The following DNAH7 variants were observed in gnomAD, a reference collection of about 807,000 sequenced individuals.
The protein encoded by DNAH7 is axonemal beta dynein heavy chain 7.
A neutral mutation model predicts 444.6 loss-of-function variants in DNAH7; 397 were observed. That is an observed-to-expected ratio of 0.89 (90% confidence interval 0.82 to 0.97). The LOEUF is 0.97. Among genes scored for constraint, DNAH7 ranks in the 50% least tolerant of loss-of-function variants. The pLI, the probability that DNAH7 is intolerant of heterozygous loss-of-function variation, is 0.00. For missense variants in DNAH7, 4,902 were observed against 4,800.8 expected, an observed-to-expected ratio of 1.02 and a Z score of -0.62; for synonymous variants, 1,636 against 1,624.4, an observed-to-expected ratio of 1.01 and a Z score of -0.17.
chr2:195,906,051 T>C lies in DNAH7; in HGVS notation c.4335+608A>G, dbSNP rs558223356. On this transcript the variant is annotated intron_variant, in intron 27 of 64. Transcript: ENST00000312428. ...GTATTAATAGTTGGAATTATGCTTA[T>C]AAAGATGGGAACGTGCTCATGATAT... Among the ~76,000 whole-genome samples, 4 of 152,104 alleles carry C rather than the reference T, an allele frequency of 2.6e-5. No homozygotes were observed. The East Asian group carries it at 7.7e-4, about 29-fold the overall frequency.
intron 16 of DNAH7, 54 bp from the exon 17 acceptor site, chr2:195,970,148 CA>C (rs753863533): frequency 4.7e-5 from 71 of 1,512,178 alleles, no homozygotes; most frequent in Non-Finnish European, 5.8e-5. Context: ...CCCTTGCTGT[CA>C]AAAAATTTTA....
At chr2:195,948,220 A>T (rs1207908228) in intron 19 of DNAH7, among the ~76,000 whole-genome samples, 1 of 151,948 alleles carries the variant, frequency 6.6e-6, no homozygotes, top group Non-Finnish European at 1.5e-5. Flanking sequence ...GATTGCAAAA[A>T]TTTTCTCCCA....
intron 48 of DNAH7, among the ~76,000 whole-genome samples, chr2:195,828,552 T>G (rs1697897719): frequency 6.6e-6 from 1 of 150,812 alleles, no homozygotes; most frequent in African/African-American, 2.4e-5. Flanking sequence ...GACACTGTAC[T>G]CCAGCCTGGG....
Position 195,754,486 on chromosome 2 carries a change from A to C in DNAH7, c.11615T>G (p.Val3872Gly), listed in dbSNP as rs372535430. 1 of 1,614,068 alleles carries C rather than the reference A, an allele frequency of 6.2e-7. No homozygotes were observed. ...QQWYEVGPPP[V>G]FWLSGFFFTQ... ...GAAGAAGAAGCCAGAAAGCCAGAAG[A>C]CTGGAGGAGGACCAACCTCATACCA... The change falls in exon 63 of 65, where the codon GTC becomes GGC. Residue 3872 changes from valine (V) to glycine (G), a missense_variant. Coordinates refer to ENST00000312428, the MANE Select transcript of DNAH7 (RefSeq NM_018897.3).
At position 195,889,623 on chromosome 2, in the gene DNAH7, C is replaced by A. The variant is rs950520705; in HGVS notation, c.5047-642G>T. Among the ~76,000 whole-genome samples the A allele has an allele frequency of 7.9e-5, 12 of 152,224 alleles. No individual in the cohort carries two copies. In the Middle Eastern group the frequency reaches 0.014, roughly 174 times the overall value. On this transcript the variant is annotated intron_variant, in intron 31 of 64. Transcript: ENST00000312428. Reference sequence around the variant, plus strand: ...TGAGCCACTGCACCTGGCCCTTGATCAATGTTTCTGAATTCAAATATATTA... The same window carrying A: ...TGAGCCACTGCACCTGGCCCTTGATAAATGTTTCTGAATTCAAATATATTA...
intron 41 of DNAH7, among the ~76,000 whole-genome samples, chr2:195,863,466 C>T (rs546930866): frequency 8.5e-4 from 129 of 152,298 alleles, no homozygotes; most frequent in African/African-American, 2.4e-3. Context: ...CCCCACCCCT[C>T]GTTCCTACCC....
chr2:196,009,883 C>G (rs1289378475), intron 10 of DNAH7, among the ~76,000 whole-genome samples: 1 of 152,100 alleles, frequency 6.6e-6, no homozygotes, highest in Non-Finnish European at 1.5e-5. Context: ...ATAAAATGTA[C>G]AAATAGCCAA....
chr2:196,053,178 C>T (rs1697589454), intron 2 of DNAH7, among the ~76,000 whole-genome samples: 1 of 152,066 alleles, frequency 6.6e-6, no homozygotes, highest in Non-Finnish European at 1.5e-5. Context: ...ACCCTCTCTG[C>T]AGAGGTTATG....
In DNAH7 at chr2:195,972,460, T is replaced by A. The variant is rs778794295; in HGVS notation, c.1840A>T (p.Ile614Phe). 4.3e-6 allele frequency: 7 copies of A among 1,613,754 alleles called. No individual in the cohort carries two copies. In the South Asian group the frequency reaches 7.7e-5, roughly 18 times the overall value. The change falls in exon 16 of 65, where the codon ATT becomes TTT. Residue 614 changes from isoleucine to phenylalanine, a missense_variant. Ile to Phe is a conservative substitution (Grantham distance 21). Coordinates refer to ENST00000312428, the MANE Select transcript of DNAH7 (RefSeq NM_018897.3). The stretch of plus-strand genomic sequence containing the variant: ...ATATCAGTTACCTCCACTTTCTGAA[T>A]GTAAGCCTGAGGGAAAACAAAAATT... ...TAELMEMKAY[I>F]QKVEVTDMIE... is the part of the protein sequence containing the mutation.
intron 54 of DNAH7, among the ~76,000 whole-genome samples, chr2:195,804,032 G>A (rs1302512091): frequency 6.8e-6 from 1 of 147,156 alleles, no homozygotes; most frequent in African/African-American, 2.5e-5. Context: ...ACCACTGAGT[G>A]GGGCTGGTTT....
At position 195,787,522 on chromosome 2, in the gene DNAH7, G is replaced by T. The variant is rs141712593; in HGVS notation, c.10717-351C>A. 5.8e-3 allele frequency among the ~76,000 whole-genome samples: 883 copies of T among 152,256 alleles called. 8 individuals are homozygous for T. The highest frequency in any genetic ancestry group is 0.02 in the African/African-American group (828 of 41,544). ...CCAACGTGTGCTCCCAGATCACCAT[G>T]GAGAAATGTTAAAGGAGATAATTCG... On this transcript the variant is annotated intron_variant, in intron 57 of 64. Coordinates refer to ENST00000312428, the MANE Select transcript of DNAH7 (RefSeq NM_018897.3).
intron 49 of DNAH7, among the ~76,000 whole-genome samples, chr2:195,818,873 CT>C (rs564956603): frequency 6.6e-6 from 1 of 151,900 alleles, no homozygotes; most frequent in Admixed American, 6.6e-5. Flanking sequence ...ACATCTATGT[CT>C]TTTTTTAATA....
intron 5 of DNAH7, among the ~76,000 whole-genome samples, chr2:196,041,533 C>A (rs74859580): frequency 6.4e-4 from 98 of 152,092 alleles, no homozygotes; most frequent in Non-Finnish European, 8.2e-4. Flanking sequence ...TAGACCCTAT[C>A]TCTCACCATC....
chr2:195,816,819 T>A lies in DNAH7; in HGVS notation c.9570A>T (p.Glu3190Asp). ...NEISQKQEVA[E>D]ETEKKIDTTR... ...TGGTGTCAATCTTTTTCTCTGTCTC[T>A]TCGGCTACTTCCTGCTTCTGAGAAA... Residue 3190 changes from glutamate (E) to aspartate (D), a missense_variant, in exon 51 of 65, where the codon GAA (glutamate) becomes GAT (aspartate). By Grantham distance (45) the Glu-to-Asp change is conservative (BLOSUM62 2). Coordinates refer to ENST00000312428, the MANE Select transcript of DNAH7 (RefSeq NM_018897.3). 6.2e-7 allele frequency: 1 copy of A among 1,614,164 alleles called. No individual in the cohort carries two copies.
chr2:195,745,028 A>AAGAAGGCTT (rs1203367958), intron 63 of DNAH7, among the ~76,000 whole-genome samples: 7 of 152,200 alleles, frequency 4.6e-5, no homozygotes, highest in Non-Finnish European at 8.8e-5. Flanking sequence ...GAGCTGAGAG[A>AAGAAGGCTT]AGAAGGCTTC....
chr2:195,936,854 C>G, intron 19 of DNAH7, 62 bp from the exon 20 acceptor site: 3 of 1,163,434 alleles, frequency 2.6e-6, no homozygotes, highest in Non-Finnish European at 3.5e-6. Context: ...TATTTATATT[C>G]ATATTATATT....
intron 9 of DNAH7, 134 bp from the exon 10 acceptor site, chr2:196,013,040 G>A: frequency 1.8e-6 from 1 of 551,236 alleles, no homozygotes; most frequent in South Asian, 5.8e-5. Context: ...ATAATTAAAT[G>A]TTAAAGAACA....
intron 46 of DNAH7, among the ~76,000 whole-genome samples, chr2:195,849,242 G>A (rs1025736211): frequency 1.3e-5 from 2 of 151,920 alleles, no homozygotes; most frequent in Admixed American, 1.3e-4. Context: ...TCTTTCTCTG[G>A]GTACTTCCTT....
chr2:195,833,992 A>C (rs576286542), intron 48 of DNAH7, among the ~76,000 whole-genome samples: 1 of 152,152 alleles, frequency 6.6e-6, no homozygotes, highest in Non-Finnish European at 1.5e-5. Flanking sequence ...AGTTTGCTTG[A>C]GCCCAGGAGT....
Sources: allele counts gnomAD v4.1 joint callset (sites outside exome capture counted in the v4.1 genomes callset), GRCh38; gene constraint gnomAD v4.1.1; transcripts MANE v1.5; gene names NCBI Gene and HGNC (gene_info 2026-07-23, HGNC 2026-07-21).